MECOM: variants seen among roughly 807,000 people sequenced by gnomAD.
The protein encoded by MECOM is MDS1 and EVI1 complex locus.
In MECOM, 13 loss-of-function variants were observed where a neutral mutation model predicts 116.3. That is an observed-to-expected ratio of 0.11 (90% confidence interval 0.07 to 0.18). The LOEUF is 0.18. Among genes scored for constraint, MECOM ranks in the 10% least tolerant of loss-of-function variants. The pLI is 1.00. For missense variants in MECOM, 1,299 were observed against 1,509.0 expected (o/e 0.86, Z 2.31); for synonymous variants, 528 against 535.2 (o/e 0.99, Z 0.19).
chr3:169,353,882 T>TC (rs1182417317), intron 2 of MECOM, among the ~76,000 whole-genome samples: 1 of 151,798 alleles, frequency 6.6e-6, no homozygotes, highest in Non-Finnish European at 1.5e-5. Flanking sequence ...GTATGACATT[T>TC]CCCCCCAGTT....
At position 169,222,524 on chromosome 3, in the gene MECOM, C is replaced by A. The variant is rs181052136; in HGVS notation, c.376-78692G>T. ...TAAAAATGAGAGTCTGCTCTGGCAG[C>A]GGGGAAAAAAAGTGTGAGTGCTGTT... On this transcript the variant is annotated intron_variant, in intron 2 of 16. Transcript: ENST00000651503. Among the ~76,000 whole-genome samples, 201 of 152,208 alleles carry A rather than the reference C, an allele frequency of 1.3e-3. 1 individual carries two copies. Among genetic ancestry groups the A allele is most frequent in the African/African-American group, 4.6e-3 (193 of 41,530 alleles).
At chr3:169,178,655 G>A (rs138442185) in intron 2 of MECOM, among the ~76,000 whole-genome samples, 2,694 of 152,264 alleles carry the variant, frequency 0.018, 37 homozygotes, top group Non-Finnish European at 0.028. Context: ...GATAGGTTCT[G>A]CCATGTTTGA....
At chr3:169,573,846 G>A (rs1325983219) in intron 1 of MECOM, among the ~76,000 whole-genome samples, 1 of 152,112 alleles carries the variant, frequency 6.6e-6, no homozygotes. Context: ...ATGAAGATAT[G>A]TTAAAGACCA....
chr3:169,417,735 T>G (rs1316742304), intron 1 of MECOM, among the ~76,000 whole-genome samples: 1 of 151,800 alleles, frequency 6.6e-6, no homozygotes. Context: ...TAGACTGGAT[T>G]AAGAAAATGT....
chr3:169,453,232 G>A (rs1745901693), intron 1 of MECOM, among the ~76,000 whole-genome samples: 1 of 152,182 alleles, frequency 6.6e-6, no homozygotes, highest in Non-Finnish European at 1.5e-5. Context: ...CCTTCAGAGA[G>A]CAAGCAACTA....
At position 169,498,983 on chromosome 3, in the gene MECOM, A is replaced by T. The variant is rs145807825; in HGVS notation, c.38-117459T>A. Among the ~76,000 whole-genome samples the T allele has an allele frequency of 4.2e-4, 64 of 152,292 alleles. No individual in the cohort carries two copies. In the East Asian group the frequency reaches 0.012, roughly 28 times the overall value. ...ATGGTCTAAAGAATAAACTGCACAC[A>T]GCTGAAGGGAAAATTAGTTAATTTT... On this transcript the variant is annotated intron_variant, in intron 1 of 16. Coordinates refer to ENST00000651503, the MANE Select transcript of MECOM (RefSeq NM_004991.4).
chr3:169,187,386 A>G (rs549685213), intron 2 of MECOM, among the ~76,000 whole-genome samples: 62 of 152,154 alleles, frequency 4.1e-4, no homozygotes, highest in Admixed American at 2.0e-3. Flanking sequence ...GAGTAAGAAA[A>G]TATACACAAA....
At chr3:169,650,400 T>C (rs1367874489) in intron 1 of MECOM, among the ~76,000 whole-genome samples, 1 of 152,076 alleles carries the variant, frequency 6.6e-6, no homozygotes, top group Non-Finnish European at 1.5e-5. Flanking sequence ...AGGAAATCAC[T>C]TAACAACAAC....
chr3:169,433,621 A>AAAAGAAAGAAAGAGAAAGAG (rs1742029856), intron 1 of MECOM, among the ~76,000 whole-genome samples: 1 of 144,442 alleles, frequency 6.9e-6, no homozygotes, highest in Non-Finnish European at 1.5e-5. Flanking sequence ...AGGGAAGGAG[A>AAAAGAAAGAAAGAGAAAGAG]AAAGAAAGAA....
intron 4 of MECOM, among the ~76,000 whole-genome samples, chr3:169,130,293 G>A (rs1734231657): frequency 6.6e-6 from 1 of 152,102 alleles, no homozygotes; most frequent in African/African-American, 2.4e-5. Flanking sequence ...CCAGATTGCA[G>A]TTCTTCATCA....
At chr3:169,097,817 T>TAAAAAAAAAAAAAAA (rs539873617) in intron 12 of MECOM, among the ~76,000 whole-genome samples, 4,628 of 86,778 alleles carry the variant, frequency 0.053, 901 homozygotes, top group Non-Finnish European at 0.077. Flanking sequence ...ACTGTCTATA[T>TAAAAAAAAAAAAAAA]AAAAAAAAAA....
Position 169,166,112 on chromosome 3 carries a change from T to C in MECOM, c.376-22280A>G, listed in dbSNP as rs568273214. Among the ~76,000 whole-genome samples the C allele has an allele frequency of 3.9e-5, 6 of 152,310 alleles. No individual in the cohort carries two copies. The South Asian group carries it at 8.3e-4, about 21-fold the overall frequency. The stretch of plus-strand genomic sequence containing the variant: ...GTTCATCTTAATAGCTTCCCATTAG[T>C]ATCACAGGTTTTTCATAGGTAACGC... On this transcript the variant is annotated intron_variant, in intron 2 of 16. Coordinates refer to ENST00000651503, the MANE Select transcript of MECOM (RefSeq NM_004991.4).
rs188697155 is a variant in MECOM at position 169,215,913 on chromosome 3, G to T, written c.376-72081C>A. ...CATCTAGCAGTTTTCGCTCTTCCAG[G>T]CAATTTGGCCCTTGATTTCAAACAA... On this transcript the variant is annotated intron_variant, in intron 2 of 16. Coordinates refer to ENST00000651503, the MANE Select transcript of MECOM (RefSeq NM_004991.4). 1.3e-3 allele frequency among the ~76,000 whole-genome samples: 192 copies of T among 152,302 alleles called. 1 individual carries two copies. The highest frequency in any genetic ancestry group is 4.4e-3 in the African/African-American group (184 of 41,578).
intron 2 of MECOM, among the ~76,000 whole-genome samples, chr3:169,328,720 C>T (rs1463796318): frequency 6.6e-6 from 1 of 152,022 alleles, no homozygotes; most frequent in African/African-American, 2.4e-5. Context: ...TAATGTCCAC[C>T]TACTAAATGA....
intron 2 of MECOM, among the ~76,000 whole-genome samples, chr3:169,241,513 C>T (rs1754810752): frequency 6.6e-6 from 1 of 152,020 alleles, no homozygotes; most frequent in Non-Finnish European, 1.5e-5. Context: ...TGGAATGTAC[C>T]TTAAGCTAGG....
chr3:169,201,257 A>ATG (rs59517316), intron 2 of MECOM, among the ~76,000 whole-genome samples: 106 of 150,332 alleles, frequency 7.1e-4, no homozygotes, highest in Middle Eastern at 6.8e-3. Context: ...TTTAGACAAG[A>ATG]TGTGTGTGTG....
chr3:169,414,066 T>TCCCAGA (rs1738079889), intron 1 of MECOM, among the ~76,000 whole-genome samples: 1 of 152,116 alleles, frequency 6.6e-6, no homozygotes, highest in African/African-American at 2.4e-5. Flanking sequence ...CTCAAGTGGG[T>TCCCAGA]CCCAGACCCC....
intron 1 of MECOM, among the ~76,000 whole-genome samples, chr3:169,521,880 AT>A (rs993966920): frequency 3.1e-4 from 47 of 151,842 alleles, no homozygotes; most frequent in Admixed American, 1.0e-3. Flanking sequence ...TAAGTACAGA[AT>A]TTTTTTTTGT....
chr3:169,313,073 G>A (rs1448557244), intron 2 of MECOM, among the ~76,000 whole-genome samples: 2 of 152,140 alleles, frequency 1.3e-5, no homozygotes, highest in Non-Finnish European at 2.9e-5. Flanking sequence ...GAAATAAGAA[G>A]AGAATCAAAA....
Sources: gnomAD v4.1 joint callset for allele counts (sites outside exome capture counted in the v4.1 genomes callset) on GRCh38, gnomAD v4.1.1 for gene constraint, MANE v1.5 for transcripts, NCBI Gene and HGNC (gene_info 2026-07-23, HGNC 2026-07-21) for gene names.